Variants in NFIB observed in about 807,000 individuals in gnomAD.
NFIB encodes the protein nuclear factor 1 B-type.
In NFIB, 11 loss-of-function variants were observed where a neutral mutation model predicts 61.5. That is an observed-to-expected ratio of 0.18 (90% CI 0.11 to 0.30). The LOEUF (loss-of-function observed/expected upper bound fraction) is 0.30, where lower values mean the gene tolerates loss of function less well. Among genes scored for constraint, NFIB ranks in the 10% least tolerant of loss-of-function variants. The probability of loss-of-function intolerance (pLI) is 1.00; values close to 1 mark genes in which losing one functional copy is unlikely to be tolerated. For synonymous variants in NFIB, 260 were observed against 216.5 expected (o/e 1.20, Z -1.76); for missense variants, 471 against 608.9 (o/e 0.77, Z 2.38).
intron 1 of NFIB, among the ~76,000 whole-genome samples, chr9:14,383,447 G>A (rs959941458): frequency 6.6e-6 from 1 of 152,198 alleles, no homozygotes; most frequent in African/African-American, 2.4e-5. Context: ...AGAGAAAAGA[G>A]TGTCAAGGCG....
At chr9:14,300,347 A>G (rs2132642392) in intron 2 of NFIB, 2 of 396,794 alleles carry the variant, frequency 5.0e-6, no homozygotes, top group Non-Finnish European at 8.9e-6. Flanking sequence ...GGAGGGAAAA[A>G]GGCTGGAAAA....
chr9:14,295,719 G>A (rs1021480641), intron 2 of NFIB, among the ~76,000 whole-genome samples: 13 of 152,110 alleles, frequency 8.5e-5, no homozygotes, highest in South Asian at 4.1e-4. Flanking sequence ...AATCTAAAAC[G>A]TAAGTGTAGT....
At chr9:14,339,788 G>A (rs1023831811) in intron 1 of NFIB, among the ~76,000 whole-genome samples, 1 of 152,186 alleles carries the variant, frequency 6.6e-6, no homozygotes, top group South Asian at 2.1e-4. Context: ...GACTAGGGGA[G>A]AGAATTAAGG....
intron 2 of NFIB, among the ~76,000 whole-genome samples, chr9:14,190,998 G>A (rs974023792): frequency 6.6e-6 from 1 of 152,126 alleles, no homozygotes; most frequent in African/African-American, 2.4e-5. Context: ...TTCAAGACCA[G>A]CCTGGCCAAC....
intron 1 of NFIB, chr9:14,398,448 C>CA: frequency 9.1e-7 from 1 of 1,099,406 alleles, no homozygotes; most frequent in Non-Finnish European, 1.3e-6. Context: ...CTGAACCCCA[C>CA]ACTGAGACAC....
upstream of NFIB, among the ~76,000 whole-genome samples, chr9:14,315,442 C>A (rs1394148560): frequency 1.3e-5 from 2 of 149,340 alleles, no homozygotes; most frequent in Non-Finnish European, 3.0e-5. Context: ...CGCTGGCTGG[C>A]TCCCAATCCC....
chr9:14,093,561 G>A (rs1276075833), intron 10 of NFIB: 1 of 152,058 alleles, frequency 6.6e-6, no homozygotes, highest in Non-Finnish European at 1.5e-5. Flanking sequence ...TAATTTAAAA[G>A]AAGCATTTGC....
the NFIB span, among the ~76,000 whole-genome samples, chr9:14,466,568 G>C: frequency 6.6e-6 from 1 of 152,126 alleles, no homozygotes; most frequent in Non-Finnish European, 1.5e-5. Context: ...AAAACAGTCG[G>C]AAGCTAGGAG....
chr9:14,340,590 G>A (rs534178160), intron 1 of NFIB, among the ~76,000 whole-genome samples: 7 of 152,332 alleles, frequency 4.6e-5, no homozygotes, highest in South Asian at 4.1e-4. Context: ...TTCTATAGAA[G>A]GGGTTCATAC....
At chr9:14,224,391 A>G (rs1302527922) in intron 2 of NFIB, among the ~76,000 whole-genome samples, 1 of 152,254 alleles carries the variant, frequency 6.6e-6, no homozygotes, top group East Asian at 1.9e-4. Context: ...AAGTGTCCTG[A>G]GAAAAATCAA....
intron 6 of NFIB, among the ~76,000 whole-genome samples, chr9:14,133,930 G>GGA (rs34154736): frequency 0.34 from 51,368 of 151,836 alleles, 11,131 homozygotes; most frequent in African/African-American, 0.61. Flanking sequence ...GAGGAAGAAA[G>GGA]GAGAGAGAGA....
chr9:14,245,860 G>A (rs914253268), intron 2 of NFIB, among the ~76,000 whole-genome samples: 10 of 152,058 alleles, frequency 6.6e-5, no homozygotes, highest in Admixed American at 1.3e-4. Context: ...GTGACAGAGC[G>A]AGACTCTGTC....
At chr9:14,324,486 CGCA>C in intron 1 of NFIB, among the ~76,000 whole-genome samples, 1 of 152,006 alleles carries the variant, frequency 6.6e-6, no homozygotes, top group Non-Finnish European at 1.5e-5. Flanking sequence ...ATTTGAAGTC[CGCA>C]GCAGAATTAC....
chr9:14,375,485 G>A (rs188422499), intron 1 of NFIB, among the ~76,000 whole-genome samples: 18 of 152,200 alleles, frequency 1.2e-4, no homozygotes, highest in South Asian at 8.3e-4. Flanking sequence ...GTGAAACCCC[G>A]TCTCTACTAA....
intron 9 of NFIB, among the ~76,000 whole-genome samples, chr9:14,113,404 A>C (rs894087441): frequency 6.6e-6 from 1 of 152,214 alleles, no homozygotes; most frequent in African/African-American, 2.4e-5. Flanking sequence ...CCCTGTTCCT[A>C]GACGTACTTT....
At chr9:14,091,772 AAAAAG>A (rs550358146) in intron 10 of NFIB, among the ~76,000 whole-genome samples, 1 of 152,190 alleles carries the variant, frequency 6.6e-6, no homozygotes, top group South Asian at 2.1e-4. Context: ...TAACCATTTA[AAAAAG>A]AAAAGATATA....
chr9:14,327,820 ACAAAC>A (rs2060773668), intron 1 of NFIB, among the ~76,000 whole-genome samples: 1 of 152,198 alleles, frequency 6.6e-6, no homozygotes, highest in Admixed American at 6.5e-5. Flanking sequence ...CTAAAACAAA[ACAAAC>A]CAAAACAAAA....
intron 4 of NFIB, among the ~76,000 whole-genome samples, chr9:14,152,361 A>T (rs570726345): frequency 3.7e-4 from 56 of 152,252 alleles, no homozygotes; most frequent in African/African-American, 1.3e-3. Context: ...AGGTTAAAAA[A>T]ATGTGAGGTA....
At chr9:14,157,587 A>C (rs937878159) in intron 3 of NFIB, among the ~76,000 whole-genome samples, 3 of 152,188 alleles carry the variant, frequency 2.0e-5, no homozygotes, top group Admixed American at 2.0e-4. Flanking sequence ...TTATTTCTTG[A>C]GCAATTAATT....
Sources: gnomAD v4.1 joint callset for allele counts (sites outside exome capture counted in the v4.1 genomes callset) on GRCh38, gnomAD v4.1.1 for gene constraint, MANE v1.5 for transcripts, NCBI Gene and HGNC (gene_info 2026-07-23, HGNC 2026-07-21) for gene names.